Variants in PHACTR2 observed in about 807,000 individuals in gnomAD.
PHACTR2 encodes the protein chromosome 6 open reading frame 56.
Under a neutral mutation model 76.0 loss-of-function variants are expected in PHACTR2, and 30 were observed. That is an observed-to-expected ratio of 0.39 (90% CI 0.30 to 0.54). The LOEUF (loss-of-function observed/expected upper bound fraction) is 0.54, where lower values mean the gene tolerates loss of function less well. Among genes scored for constraint, PHACTR2 ranks in the 20% least tolerant of loss-of-function variants. PHACTR2 has a pLI of 0.61. For synonymous variants in PHACTR2, 292 were observed against 292.5 expected (o/e 1.00, Z 0.02); for missense variants, 696 against 781.1 (o/e 0.89, Z 1.30).
At chr6:143,796,802 G>C (rs1211157893) in intron 11 of PHACTR2, among the ~76,000 whole-genome samples, 1 of 152,084 alleles carries the variant, frequency 6.6e-6, no homozygotes. Context: ...TCTTAATCCA[G>C]TCTATCACTG....
rs1481719297 is a variant in PHACTR2 at position 143,816,736 on chromosome 6, C to G, written c.1923-6938C>G. 6.6e-6 allele frequency among the ~76,000 whole-genome samples: 1 copy of G among 151,852 alleles called. No homozygotes were observed. Among genetic ancestry groups the G allele is most frequent in the Non-Finnish European group, 1.5e-5 (1 of 67,992 alleles). On this transcript the variant is annotated intron_variant, in intron 12 of 12. Coordinates refer to ENST00000440869, the MANE Select transcript of PHACTR2 (RefSeq NM_001100164.2). The surrounding 1 kb of genome is among the most constrained non-coding windows in gnomAD (Gnocchi z 4.5). ...CTCAGTTATTTTTGAAAATTAAATA[C>G]AGAATACTTTCCAGGATAATATTGG... is the stretch of plus-strand genomic sequence containing the variant.
At position 143,829,188 on chromosome 6, in the gene PHACTR2, C is replaced by CTTTTTTT. The variant is rs748075314; in HGVS notation, c.*5515_*5521dup. On this transcript the variant is annotated 3_prime_UTR_variant, in exon 13 of 13. Transcript: ENST00000440869. ...AAGGAGAGATCATACATGAAGAAAG[C>CTTTTTTT]TTTTTTTTTTTTTTTTTTTTTTGCC... is the stretch of plus-strand genomic sequence containing the variant. 3 of 71,696 alleles carry CTTTTTTT rather than the reference C, an allele frequency of 4.2e-5. No homozygotes were observed. Among genetic ancestry groups the CTTTTTTT allele is most frequent in the African/African-American group, 1.1e-4 (2 of 17,524 alleles). 4.4% of individuals were successfully genotyped at this position (71,696 alleles called of 1,614,324 possible). A position where few individuals can be genotyped will look rare whatever the true frequency, so the allele number is the denominator to read the frequency against.
Position 143,775,723 on chromosome 6 carries a change from T to C in PHACTR2, c.1589+1508T>C, listed in dbSNP as rs1349201025. The stretch of plus-strand genomic sequence containing the variant: ...TTACTATGAAGAAGAATGTAAATCA[T>C]TGAATAATATTTGCATAAAATAATA... On this transcript the variant is annotated intron_variant, in intron 8 of 12. Coordinates refer to ENST00000440869, the MANE Select transcript of PHACTR2 (RefSeq NM_001100164.2). The surrounding 1 kb of genome is among the most constrained non-coding windows in gnomAD (Gnocchi z 4.4). Among the ~76,000 whole-genome samples, 1 of 152,218 alleles carries C rather than the reference T, an allele frequency of 6.6e-6. No homozygotes were observed. The highest frequency in any genetic ancestry group is 1.9e-4 in the East Asian group (1 of 5,204).
Position 143,619,355 on chromosome 6 carries a change from G to A in PHACTR2, c.13+11033G>A, listed in dbSNP as rs539909261. On this transcript the variant is annotated intron_variant, in intron 1 of 11. Transcript: ENST00000305766. The surrounding 1 kb of genome is among the most constrained non-coding windows in gnomAD (Gnocchi z 4.5). ...CTACGCCCTGGTGAGACCCATTATC[G>A]GTCTAAGAAACATATAATGAAGCCA... Among the ~76,000 whole-genome samples, 30 of 152,206 alleles carry A rather than the reference G, an allele frequency of 2.0e-4. No homozygotes were observed. The highest frequency in any genetic ancestry group is 3.5e-4 in the Non-Finnish European group (24 of 68,014).
In PHACTR2 at chr6:143,625,589, A is replaced by G. The variant is rs1776244495; in HGVS notation, c.13+17267A>G. ...TCCAATAGATGTAATATCACCAGTGACTGTGGGAACTTTGCAATTTGCTAA... is the reference window on the plus strand; with the variant it reads ...TCCAATAGATGTAATATCACCAGTGGCTGTGGGAACTTTGCAATTTGCTAA... On this transcript the variant is annotated intron_variant, in intron 1 of 11. Coordinates refer to the PHACTR2 transcript ENST00000305766. The surrounding 1 kb of genome is among the most constrained non-coding windows in gnomAD (Gnocchi z 4.3). Among the ~76,000 whole-genome samples the G allele has an allele frequency of 6.6e-6, 1 of 152,202 alleles. No individual in the cohort carries two copies. The highest frequency in any genetic ancestry group is 2.1e-4 in the South Asian group (1 of 4,832).
At chr6:143,748,282 T>C (rs575782968) in intron 2 of PHACTR2, among the ~76,000 whole-genome samples, 17 of 152,272 alleles carry the variant, frequency 1.1e-4, no homozygotes, top group African/African-American at 4.1e-4. Flanking sequence ...CAGGCTGGTC[T>C]CAAACTCCTG....
Position 143,647,123 on chromosome 6 carries a change from C to T in PHACTR2, c.13+38801C>T, listed in dbSNP as rs368791539. Among the ~76,000 whole-genome samples the T allele has an allele frequency of 5.3e-5, 8 of 152,214 alleles. No individual in the cohort carries two copies. The East Asian group carries it at 9.6e-4, about 18-fold the overall frequency. ...TAAGATATAAAACATTTTATGGTGCCGGGTTGCTGTTGACCTACATTGATA... is the reference window on the plus strand; with the variant it reads ...TAAGATATAAAACATTTTATGGTGCTGGGTTGCTGTTGACCTACATTGATA... On this transcript the variant is annotated intron_variant, in intron 1 of 11. Transcript: ENST00000305766. This position sits in a 1 kb window ranked among gnomAD's most constrained non-coding sequence, Gnocchi z 4.2.
chr6:143,567,632 CA>C (rs1375348976), intron 1 of PHACTR2, among the ~76,000 whole-genome samples: 1 of 152,214 alleles, frequency 6.6e-6, no homozygotes, highest in African/African-American at 2.4e-5. Flanking sequence ...CTCCTGACCT[CA>C]GGTGATCCAC....
upstream of PHACTR2, among the ~76,000 whole-genome samples, chr6:143,673,492 T>C (rs1777191429): frequency 6.6e-6 from 1 of 152,194 alleles, no homozygotes. Flanking sequence ...TGGGCCTTAC[T>C]GGAAGCAATT....
intron 1 of PHACTR2, among the ~76,000 whole-genome samples, chr6:143,588,012 C>CTAAAATAAAA (rs56155115): frequency 0.072 from 9,949 of 137,644 alleles, 561 homozygotes; most frequent in African/African-American, 0.13. Flanking sequence ...AACTCTGTCT[C>CTAAAATAAAA]TAAAATAAAA....
intron 12 of PHACTR2, among the ~76,000 whole-genome samples, chr6:143,813,711 TTATAG>T (rs1371635883): frequency 3.3e-5 from 5 of 151,660 alleles, no homozygotes; most frequent in Admixed American, 6.6e-5. Flanking sequence ...TAGAGTGGGG[TTATAG>T]TAATCTTTTT....
At chr6:143,668,410 C>T (rs996879790) in intron 1 of PHACTR2, among the ~76,000 whole-genome samples, 13 of 151,950 alleles carry the variant, frequency 8.6e-5, no homozygotes, top group African/African-American at 3.1e-4. Flanking sequence ...GGGAGGAGTC[C>T]CTCTTTTTCT....
chr6:143,790,070 T>G (rs1054992383), intron 11 of PHACTR2, among the ~76,000 whole-genome samples: 4 of 151,954 alleles, frequency 2.6e-5, no homozygotes, highest in African/African-American at 9.7e-5. Flanking sequence ...TGCAGTGACA[T>G]GGTGAGAGGG....
rs1478275215 is a variant in PHACTR2, at chr6:143,824,723, A to G, written c.*1034A>G. Reference sequence around the variant, plus strand: ...CCTGCAGTTAGTCCTGCATGGGAATAAGGACTAGTTATTTTTTTAGTGCTG... The same window carrying G: ...CCTGCAGTTAGTCCTGCATGGGAATGAGGACTAGTTATTTTTTTAGTGCTG... On this transcript the variant is annotated 3_prime_UTR_variant, in exon 13 of 13. Coordinates refer to ENST00000440869, the MANE Select transcript of PHACTR2 (RefSeq NM_001100164.2). The surrounding 1 kb of genome is among the most constrained non-coding windows in gnomAD (Gnocchi z 6.3). 6.6e-6 allele frequency: 1 copy of G among 152,562 alleles called. No homozygotes were observed. Among genetic ancestry groups the G allele is most frequent in the African/African-American group, 2.4e-5 (1 of 41,430 alleles). 9.5% of individuals were successfully genotyped at this position (152,562 alleles called of 1,614,324 possible).
chr6:143,657,200 T>C (rs1776863265), intron 1 of PHACTR2, among the ~76,000 whole-genome samples: 1 of 151,856 alleles, frequency 6.6e-6, no homozygotes, highest in Admixed American at 6.6e-5. Flanking sequence ...TGTAAACCTA[T>C]GTAACAAACT....
chr6:143,773,977 T>G (rs1199291881), intron 7 of PHACTR2, 82 bp from the exon 8 acceptor site: 2 of 1,218,012 alleles, frequency 1.6e-6, no homozygotes, highest in Non-Finnish European at 2.3e-6. Flanking sequence ...TGGGCTCTAT[T>G]TAAAGTCCAT....
chr6:143,806,925 C>T lies in PHACTR2; in HGVS notation c.1846-132C>T, dbSNP rs1776078339. On this transcript the variant is annotated intron_variant, in intron 11 of 12. Transcript: ENST00000440869. This position sits in a 1 kb window ranked among gnomAD's most constrained non-coding sequence, Gnocchi z 5.8. ...TGAGCCATGATCTCGCCACTCCACTCCAGCTTGGATGACAGAGCGAGACTC... is the reference window on the plus strand; with the variant it reads ...TGAGCCATGATCTCGCCACTCCACTTCAGCTTGGATGACAGAGCGAGACTC... 1.9e-6 allele frequency: 1 copy of T among 528,584 alleles called. No homozygotes were observed. The highest frequency in any genetic ancestry group is 2.7e-5 in the South Asian group (1 of 37,672). The allele number at this position is 528,584 out of a possible 1,614,324, so 32.7% of individuals were successfully genotyped here.
In PHACTR2 at chr6:143,678,180, T is replaced by G; in HGVS notation, c.17T>G (p.Val6Gly). 3.2e-6 allele frequency: 5 copies of G among 1,539,584 alleles called. No homozygotes were observed. Among genetic ancestry groups the G allele is most frequent in the Non-Finnish European group, 1.8e-6 (2 of 1,142,328 alleles). Residue 6 changes from valine (V) to glycine (G), a missense_variant, in exon 1 of 13, where the codon GTG (valine) becomes GGG (glycine). Around this residue, in one of 2 missense-constraint regions of PHACTR2, gnomAD observed 460 missense variants for 450.9 expected, o/e 1.02. Transcript: ENST00000440869. This position sits in a 1 kb window ranked among gnomAD's most constrained non-coding sequence, Gnocchi z 6.2. ...ACCCCAGTCATGGGCCAGACCTCGG[T>G]GTCCACGCTGTCCCCGCAGCCCGGC... is the stretch of plus-strand genomic sequence containing the variant. MGQTSVSTLSPQPGSV... is the reference protein window; with the variant it reads MGQTSGSTLSPQPGSV...
At chr6:143,669,454 C>G (rs146735544) in intron 1 of PHACTR2, among the ~76,000 whole-genome samples, 1 of 152,176 alleles carries the variant, frequency 6.6e-6, no homozygotes, top group East Asian at 1.9e-4. Flanking sequence ...GTTGATCTGT[C>G]CAATATTGAC....
Sources: gnomAD v4.1 joint callset for allele counts (sites outside exome capture counted in the v4.1 genomes callset) on GRCh38, gnomAD v4.1.1 for gene constraint, gnomAD v4.1.1 regional missense constraint, Gnocchi (gnomAD v3.1) non-coding constraint, MANE v1.5 for transcripts, NCBI Gene and HGNC (gene_info 2026-07-23, HGNC 2026-07-21) for gene names.